The following TRIM44 variants were observed in gnomAD, a reference collection of about 807,000 sequenced individuals.
TRIM44 encodes tripartite motif containing 44.
Under a neutral mutation model 37.4 loss-of-function variants are expected in TRIM44, and 13 were observed. The observed-to-expected ratio is 0.35, with a 90% CI of 0.23 to 0.55. The LOEUF (loss-of-function observed/expected upper bound fraction) is 0.55. Among genes scored for constraint, TRIM44 ranks in the 20% least tolerant of loss-of-function variants. The pLI is 0.89. For missense variants in TRIM44, 426 were observed against 437.2 expected, an observed-to-expected ratio of 0.97 and a Z score of 0.23; for synonymous variants, 175 against 157.2, an observed-to-expected ratio of 1.11 and a Z score of -0.85.
chr11:35,696,856 A>C (rs867965853), intron 2 of TRIM44, among the ~76,000 whole-genome samples: 99 of 152,080 alleles, frequency 6.5e-4, no homozygotes, highest in African/African-American at 1.8e-3. Flanking sequence ...CAAAAAAAAA[A>C]ACAACAATTA....
intron 4 of TRIM44, among the ~76,000 whole-genome samples, chr11:35,762,529 G>T (rs1297810572): frequency 1.3e-5 from 2 of 152,174 alleles, no homozygotes; most frequent in East Asian, 3.9e-4. Context: ...TTGACTAGGT[G>T]CTTGGGCTTG....
At chr11:35,744,542 C>T (rs575148744) in intron 4 of TRIM44, among the ~76,000 whole-genome samples, 2 of 151,920 alleles carry the variant, frequency 1.3e-5, no homozygotes, top group African/African-American at 2.4e-5. Flanking sequence ...TTTAACTGGG[C>T]ACCCTGTTTT....
chr11:35,781,576 T>C (rs1338551317), intron 4 of TRIM44, among the ~76,000 whole-genome samples: 1 of 152,200 alleles, frequency 6.6e-6, no homozygotes, highest in Non-Finnish European at 1.5e-5. Context: ...CAGATAGAAC[T>C]TAGGCACCTC....
At chr11:35,665,299 A>C (rs1414037565) in intron 1 of TRIM44, among the ~76,000 whole-genome samples, 1 of 152,062 alleles carries the variant, frequency 6.6e-6, no homozygotes, top group East Asian at 1.9e-4. Context: ...GTAATACTAC[A>C]TGTTGCCAAC....
At chr11:35,677,867 G>A (rs1466950393) in intron 1 of TRIM44, among the ~76,000 whole-genome samples, 2 of 152,202 alleles carry the variant, frequency 1.3e-5, no homozygotes, top group Admixed American at 6.5e-5. Flanking sequence ...AACTGGGGAA[G>A]GAGATAGGGA....
chr11:35,778,573 G>T (rs1408288423), intron 4 of TRIM44, among the ~76,000 whole-genome samples: 2 of 152,100 alleles, frequency 1.3e-5, no homozygotes, highest in African/African-American at 2.4e-5. Flanking sequence ...TTCTGCTCTG[G>T]TTTCTCCCCA....
At chr11:35,789,028 G>A (rs1278239031) in intron 4 of TRIM44, among the ~76,000 whole-genome samples, 1 of 152,134 alleles carries the variant, frequency 6.6e-6, no homozygotes, top group Non-Finnish European at 1.5e-5. Flanking sequence ...TTGTCTCACA[G>A]CAAATATTTT....
intron 4 of TRIM44, among the ~76,000 whole-genome samples, chr11:35,766,898 G>A (rs934584981): frequency 6.6e-6 from 1 of 152,194 alleles, no homozygotes; most frequent in African/African-American, 2.4e-5. Context: ...CTGTGCAAAT[G>A]AGTTCAATTA....
At chr11:35,754,627 G>T (rs1852605194) in intron 4 of TRIM44, among the ~76,000 whole-genome samples, 1 of 151,556 alleles carries the variant, frequency 6.6e-6, no homozygotes, top group Non-Finnish European at 1.5e-5. Context: ...TTAACATTAG[G>T]TATATCTCCT....
chr11:35,694,793 T>G (rs1851676405), intron 2 of TRIM44, among the ~76,000 whole-genome samples: 1 of 152,084 alleles, frequency 6.6e-6, no homozygotes, highest in Non-Finnish European at 1.5e-5. Flanking sequence ...TTCCAAAGTT[T>G]TGCTGCAATG....
chr11:35,776,469 T>C (rs1344260799), intron 4 of TRIM44, among the ~76,000 whole-genome samples: 3 of 152,214 alleles, frequency 2.0e-5, no homozygotes, highest in Admixed American at 2.0e-4. Flanking sequence ...TCAGTTCTGT[T>C]CTGATCTTAG....
intron 2 of TRIM44, among the ~76,000 whole-genome samples, chr11:35,707,531 A>T (rs1452585300): frequency 1.3e-5 from 2 of 152,068 alleles, no homozygotes; most frequent in African/African-American, 4.8e-5. Flanking sequence ...GGCTACAGTA[A>T]CCAAAACAGC....
At position 35,817,513 on chromosome 11, in the gene TRIM44, A is replaced by G. The variant is rs1357065757; in HGVS notation, c.*11128A>G. 1 of 152,172 alleles carries G rather than the reference A, an allele frequency of 6.6e-6. No individual in the cohort carries two copies. Among genetic ancestry groups the G allele is most frequent in the Non-Finnish European group, 1.5e-5 (1 of 68,036 alleles). 9.4% of individuals were successfully genotyped at this position (152,172 alleles called of 1,614,324 possible). ...ATTGTTCCTCTAAGAGTCCCAAGTC[A>G]TCTTTTTTCTCTCCGTGTGTGTTAG... On this transcript the variant is annotated 3_prime_UTR_variant, in exon 5 of 5. Coordinates refer to ENST00000299413, the MANE Select transcript of TRIM44 (RefSeq NM_017583.6).
chr11:35,733,652 C>G (rs558250913), intron 3 of TRIM44, among the ~76,000 whole-genome samples: 1 of 152,046 alleles, frequency 6.6e-6, no homozygotes, highest in Non-Finnish European at 1.5e-5. Flanking sequence ...CCTTCTTATT[C>G]GACCTCAAAT....
intron 1 of TRIM44, among the ~76,000 whole-genome samples, chr11:35,669,435 A>G (rs749209147): frequency 3.6e-4 from 55 of 151,902 alleles, no homozygotes; most frequent in Non-Finnish European, 3.8e-4. Flanking sequence ...GAGGGTCCCA[A>G]GTCTATATGG....
At chr11:35,749,238 TAAGAA>T (rs1852531707) in intron 4 of TRIM44, among the ~76,000 whole-genome samples, 1 of 152,194 alleles carries the variant, frequency 6.6e-6, no homozygotes, top group Non-Finnish European at 1.5e-5. Context: ...TATAGAATCT[TAAGAA>T]AAGGTAAAGG....
At chr11:35,804,564 C>G (rs1355061862) in intron 4 of TRIM44, among the ~76,000 whole-genome samples, 1 of 152,118 alleles carries the variant, frequency 6.6e-6, no homozygotes, top group Non-Finnish European at 1.5e-5. Flanking sequence ...ATAAAACTGA[C>G]AAGAGAACAA....
chr11:35,782,388 G>C (rs1381663747), intron 4 of TRIM44, among the ~76,000 whole-genome samples: 2 of 152,154 alleles, frequency 1.3e-5, no homozygotes, highest in African/African-American at 4.8e-5. Context: ...GTATTAGTTA[G>C]AATTGTGTTC....
intron 4 of TRIM44, among the ~76,000 whole-genome samples, chr11:35,777,496 A>G (rs1409943201): frequency 6.6e-6 from 1 of 151,584 alleles, no homozygotes; most frequent in Non-Finnish European, 1.5e-5. Flanking sequence ...TCCTGTCATT[A>G]TGATGTTAGC....
Sources: gnomAD v4.1 joint callset for allele counts (sites outside exome capture counted in the v4.1 genomes callset) on GRCh38, gnomAD v4.1.1 for gene constraint, MANE v1.5 for transcripts, NCBI Gene and HGNC (gene_info 2026-07-23, HGNC 2026-07-21) for gene names.